The following IQGAP1 variants were observed in gnomAD, a reference collection of about 807,000 sequenced individuals.
IQGAP1 encodes ras GTPase-activating-like protein IQGAP1.
IQGAP1 carries 66 observed loss-of-function variants against 215.6 expected under a neutral mutation model. That is an observed-to-expected ratio of 0.31 (90% CI 0.25 to 0.38). The LOEUF (loss-of-function observed/expected upper bound fraction) is 0.38, where lower values mean the gene tolerates loss of function less well. IQGAP1 is among the 10% of genes least tolerant of loss of function. The pLI, the probability that IQGAP1 is intolerant of heterozygous loss-of-function variation, is 1.00. For missense variants in IQGAP1, 1,712 were observed against 1,997.1 expected (o/e 0.86, Z 2.72); for synonymous variants, 772 against 728.7 (o/e 1.06, Z -0.96).
chr15:90,476,887 A>C, intron 24 of IQGAP1, 69 bp downstream of exon 24: 1 of 1,520,612 alleles, frequency 6.6e-7, no homozygotes, highest in Non-Finnish European at 8.9e-7. Flanking sequence ...AAGCCTTACC[A>C]TCGATCTCTC....
Position 90,443,377 on chromosome 15 carries a change from T to A in IQGAP1, c.829-17T>A. The A allele has an allele frequency of 6.3e-7, 1 of 1,582,046 alleles. No homozygotes were observed. The highest frequency in any genetic ancestry group is 8.7e-7 in the Non-Finnish European group (1 of 1,151,536). ...ACACCTTAAGCTAACTTAATTACGC[T>A]TTTTACTCATCCTCAGACAGAAAAC... On this transcript the variant is annotated splice_polypyrimidine_tract_variant and intron_variant, in intron 8 of 37. Coordinates refer to ENST00000268182, the MANE Select transcript of IQGAP1 (RefSeq NM_003870.4).
chr15:90,473,507 T>C, intron 19 of IQGAP1: 1 of 555,442 alleles, frequency 1.8e-6, no homozygotes, highest in East Asian at 3.1e-5. Context: ...AGGGCTGTGC[T>C]GACGTTGGGG....
At chr15:90,456,013 T>C in intron 14 of IQGAP1, 139 bp from the exon 15 acceptor site, 1 of 642,376 alleles carries the variant, frequency 1.6e-6, no homozygotes, top group South Asian at 2.3e-5. Flanking sequence ...AAAACAGTGC[T>C]GCTTAACGGA....
At position 90,433,728 on chromosome 15, in the gene IQGAP1, C is replaced by G; in HGVS notation, c.400C>G (p.Pro134Ala). The stretch of plus-strand genomic sequence containing the variant: ...TTTTATTTCTCCCTAGATTTTTTAC[C>G]CAGAAACTACAGATATCTATGATCG... ...DEIGLPKIFYPETTDIYDRKN... is the reference protein window; with the variant it reads ...DEIGLPKIFYAETTDIYDRKN... The change falls in exon 5 of 38, where the codon CCA becomes GCA. Residue 134 changes from proline to alanine, a missense_variant. This residue lies in a region of IQGAP1 where 1,021 missense variants were observed against 1,074.2 expected (regional missense o/e 0.95). Transcript: ENST00000268182. 6 of 1,593,986 alleles carry G rather than the reference C, an allele frequency of 3.8e-6. No homozygotes were observed. The highest frequency in any genetic ancestry group is 5.2e-6 in the Non-Finnish European group (6 of 1,164,450).
chr15:90,484,407 C>A, intron 30 of IQGAP1, 55 bp downstream of exon 30: 1 of 1,467,346 alleles, frequency 6.8e-7, no homozygotes, highest in East Asian at 2.3e-5. Context: ...TTATCCCTGG[C>A]TGCTGCTTAT....
chr15:90,401,590 A>G (rs1964805763), intron 2 of IQGAP1, among the ~76,000 whole-genome samples: 1 of 152,222 alleles, frequency 6.6e-6, no homozygotes, highest in African/African-American at 2.4e-5. Context: ...TACTTTCTAC[A>G]TGCAAGGCAC....
At chr15:90,462,784 C>T (rs765219191) in intron 15 of IQGAP1, among the ~76,000 whole-genome samples, 27 of 152,150 alleles carry the variant, frequency 1.8e-4, no homozygotes, top group Non-Finnish European at 3.2e-4. Flanking sequence ...GACTTCTGGT[C>T]CCTATCTCTT....
intron 2 of IQGAP1, among the ~76,000 whole-genome samples, chr15:90,394,088 C>T (rs887126450): frequency 2.3e-5 from 3 of 131,924 alleles, no homozygotes; most frequent in East Asian, 2.3e-4. Flanking sequence ...TAAGCTGAGA[C>T]AGTGCCATTG....
At chr15:90,474,256 T>C (rs1965947793) in intron 22 of IQGAP1, 123 bp downstream of exon 22, 1 of 903,692 alleles carries the variant, frequency 1.1e-6, no homozygotes, top group Non-Finnish European at 1.7e-6. Context: ...GTGTGACCTG[T>C]GACATAAGCC....
At chr15:90,499,274 C>T (rs533065930) in intron 37 of IQGAP1, among the ~76,000 whole-genome samples, 1 of 152,322 alleles carries the variant, frequency 6.6e-6, no homozygotes, top group Non-Finnish European at 1.5e-5. Context: ...TTTATCGCCT[C>T]CATCTCTGTC....
rs776168578 is a variant in IQGAP1 at position 90,472,902 on chromosome 15, C to T, written c.2241C>T (p.Gly747=). The change falls in exon 19 of 38, where the codon GGC becomes GGT. Residue 747 remains glycine (G), a synonymous_variant. Coordinates refer to ENST00000268182, the MANE Select transcript of IQGAP1 (RefSeq NM_003870.4). ...AACAGCTGTGGCTGGCCAATGAAGG[C>T]CTGATCACCAGGCTGCAGGCTCGCT... is the stretch of plus-strand genomic sequence containing the variant. ...NREQLWLANE[G]LITRLQARCR... 1.2e-6 allele frequency: 2 copies of T among 1,613,892 alleles called. No individual in the cohort carries two copies. The highest frequency in any genetic ancestry group is 2.2e-5 in the South Asian group (2 of 91,040).
intron 2 of IQGAP1, among the ~76,000 whole-genome samples, chr15:90,400,643 A>G (rs888304672): frequency 6.6e-6 from 1 of 152,174 alleles, no homozygotes; most frequent in Non-Finnish European, 1.5e-5. Flanking sequence ...TGGGGAAAAA[A>G]TCTGGCTGGG....
intron 2 of IQGAP1, among the ~76,000 whole-genome samples, chr15:90,424,784 A>G (rs1011667235): frequency 1.3e-5 from 2 of 151,954 alleles, no homozygotes; most frequent in East Asian, 1.9e-4. Flanking sequence ...GGTTGTAGTG[A>G]GCTGAGATTG....
chr15:90,410,514 G>T (rs1363649753), intron 2 of IQGAP1, among the ~76,000 whole-genome samples: 1 of 152,124 alleles, frequency 6.6e-6, no homozygotes, highest in Admixed American at 6.5e-5. Flanking sequence ...CCATAAAAAA[G>T]GATGAGTTCA....
chr15:90,388,713 A>C (rs1433190369), intron 1 of IQGAP1, among the ~76,000 whole-genome samples: 1 of 151,858 alleles, frequency 6.6e-6, no homozygotes. Flanking sequence ...GTGAGGTGGC[A>C]GGATGACCGC....
chr15:90,478,403 G>C (rs952530713), intron 26 of IQGAP1, among the ~76,000 whole-genome samples: 4 of 152,172 alleles, frequency 2.6e-5, no homozygotes, highest in Admixed American at 6.6e-5. Context: ...CATTGTGTTA[G>C]AGATGTGTAC....
chr15:90,477,475 A>G (rs1414875807), intron 25 of IQGAP1, among the ~76,000 whole-genome samples, 190 bp from the exon 26 acceptor site: 1 of 151,856 alleles, frequency 6.6e-6, no homozygotes, highest in Admixed American at 6.6e-5. Flanking sequence ...AACAGAAAGA[A>G]TTCACATTTT....
chr15:90,493,408 G>C (rs1054763723), intron 35 of IQGAP1, among the ~76,000 whole-genome samples: 5 of 152,142 alleles, frequency 3.3e-5, no homozygotes, highest in African/African-American at 1.2e-4. Flanking sequence ...GGGTGCTGAG[G>C]AAAGTCTGAT....
In IQGAP1 at chr15:90,477,163, G is replaced by A. The variant is rs1231387306; in HGVS notation, c.3037G>A (p.Ala1013Thr). 9 of 1,613,938 alleles carry A rather than the reference G, an allele frequency of 5.6e-6. No individual in the cohort carries two copies. Among genetic ancestry groups the A allele is most frequent in the Admixed American group, 3.3e-5 (2 of 59,982 alleles). The change falls in exon 25 of 38, where the codon GCG becomes ACG. Residue 1013 changes from alanine to threonine, a missense_variant. Physicochemically the swap from Ala to Thr is moderately conservative, Grantham distance 58. Transcript: ENST00000268182. ...DSVIFTLYNY[A>T]SNQREEYLLL... is the part of the protein sequence containing the mutation. Reference sequence around the variant, plus strand: ...TGTAATCTTCACACTCTACAACTACGCGTCCAACCAGCGAGAGGAGTACCT... The same window carrying A: ...TGTAATCTTCACACTCTACAACTACACGTCCAACCAGCGAGAGGAGTACCT...
Sources: allele counts gnomAD v4.1 joint callset (sites outside exome capture counted in the v4.1 genomes callset), GRCh38; gene constraint gnomAD v4.1.1; regional missense constraint gnomAD v4.1.1; transcripts MANE v1.5; gene names NCBI Gene and HGNC (gene_info 2026-07-23, HGNC 2026-07-21).